The following PDLIM5 variants were observed in gnomAD, a reference collection of about 807,000 sequenced individuals.
The protein encoded by PDLIM5 is PDZ and LIM domain 5, also known as PDZ and LIM domain protein 5.
Under a neutral mutation model 64.2 loss-of-function variants are expected in PDLIM5, and 34 were observed. That is an observed-to-expected ratio of 0.53 (90% CI 0.40 to 0.71). The LOEUF is 0.71. Ranked by LOEUF, PDLIM5 falls within the 30% of genes least tolerant of loss-of-function variation. PDLIM5 has a pLI of 0.00. For synonymous variants in PDLIM5, 253 were observed against 269.1 expected, an observed-to-expected ratio of 0.94 and a Z score of 0.59; for missense variants, 683 against 733.6, an observed-to-expected ratio of 0.93 and a Z score of 0.80.
intron 8 of PDLIM5, among the ~76,000 whole-genome samples, chr4:94,618,486 AC>A (rs1738966401): frequency 6.6e-6 from 1 of 152,262 alleles, no homozygotes; most frequent in Admixed American, 6.5e-5. Context: ...TTATTTAATA[AC>A]AACTATATTG....
chr4:94,569,090 C>T (rs1456271289), intron 3 of PDLIM5, among the ~76,000 whole-genome samples: 2 of 152,112 alleles, frequency 1.3e-5, no homozygotes, highest in African/African-American at 2.4e-5. Context: ...TTAGAGATGA[C>T]CTGTACCTAT....
chr4:94,537,103 GATGAAAA>G (rs1325633662), intron 3 of PDLIM5, among the ~76,000 whole-genome samples: 1 of 152,092 alleles, frequency 6.6e-6, no homozygotes, highest in African/African-American at 2.4e-5. Flanking sequence ...TTGAAATGCG[GATGAAAA>G]ATGGTCTTTC....
At chr4:94,653,743 G>A (rs1229758203) in intron 9 of PDLIM5, among the ~76,000 whole-genome samples, 6 of 152,096 alleles carry the variant, frequency 3.9e-5, no homozygotes, top group Non-Finnish European at 7.4e-5. Flanking sequence ...TTAAAAATCT[G>A]TTAAGAGAGT....
chr4:94,542,791 T>A (rs1040311426), intron 3 of PDLIM5, among the ~76,000 whole-genome samples: 1 of 152,208 alleles, frequency 6.6e-6, no homozygotes, highest in African/African-American at 2.4e-5. Context: ...CCATGGTTCC[T>A]GGTAAATTTA....
intron 3 of PDLIM5, 40 bp from the exon 4 acceptor site, chr4:94,573,311 T>G (rs933054864): frequency 1.9e-6 from 3 of 1,548,894 alleles, no homozygotes; most frequent in Non-Finnish European, 2.7e-6. Context: ...TTATAAAAAT[T>G]CATTATTTTT....
intron 3 of PDLIM5, among the ~76,000 whole-genome samples, chr4:94,544,968 G>A (rs1175956306): frequency 1.3e-5 from 2 of 152,312 alleles, no homozygotes; most frequent in East Asian, 1.9e-4. Flanking sequence ...TTTGGCAACA[G>A]CATAGGCTTG....
At chr4:94,608,293 C>A (rs9307146) in intron 7 of PDLIM5, 544,572 of 583,978 alleles carry the variant, frequency 0.93, 254,775 homozygotes, top group Admixed American at 0.96. Flanking sequence ...CATCATTAAC[C>A]TATAGACAAG....
At chr4:94,648,589 C>A (rs558707855) in intron 9 of PDLIM5, among the ~76,000 whole-genome samples, 12 of 152,306 alleles carry the variant, frequency 7.9e-5, no homozygotes, top group Non-Finnish European at 1.6e-4. Flanking sequence ...CGTGAGCCAC[C>A]GCACCCGGCC....
intron 7 of PDLIM5, among the ~76,000 whole-genome samples, chr4:94,592,645 T>G (rs1024503325): frequency 3.9e-5 from 6 of 152,198 alleles, no homozygotes; most frequent in African/African-American, 1.4e-4. Flanking sequence ...TTTTGTTTTT[T>G]GAGACAGAGT....
At chr4:94,613,066 A>G (rs1738504988) in intron 7 of PDLIM5, among the ~76,000 whole-genome samples, 3 of 152,020 alleles carry the variant, frequency 2.0e-5, no homozygotes, top group Non-Finnish European at 4.4e-5. Context: ...AAAGACACTC[A>G]TTACCCTCTC....
chr4:94,494,432 G>GTTTTTTTTTTTTTTTTTTTTTTTTTTT (rs61675663), intron 2 of PDLIM5, among the ~76,000 whole-genome samples: 3 of 70,770 alleles, frequency 4.2e-5, no homozygotes, highest in African/African-American at 8.8e-5. Context: ...TTTTTTTCTT[G>GTTTTTTTTTTTTTTTTTTTTTTTTTTT]TTTTTTTTTT....
intron 7 of PDLIM5, among the ~76,000 whole-genome samples, chr4:94,614,692 T>C (rs1025833862): frequency 4.6e-5 from 7 of 152,138 alleles, no homozygotes; most frequent in Non-Finnish European, 1.0e-4. Flanking sequence ...CTCCAAGCCC[T>C]TTGTAGCTAA....
chr4:94,595,385 A>G (rs1270046598), intron 7 of PDLIM5, among the ~76,000 whole-genome samples: 2 of 152,208 alleles, frequency 1.3e-5, no homozygotes, highest in African/African-American at 4.8e-5. Flanking sequence ...ACCAATTACA[A>G]TACACAAACT....
intron 3 of PDLIM5, among the ~76,000 whole-genome samples, chr4:94,524,185 A>G (rs921355720): frequency 2.6e-5 from 4 of 151,938 alleles, no homozygotes; most frequent in African/African-American, 4.8e-5. Context: ...GCTGGCCAAT[A>G]TAATGAGTCC....
chr4:94,599,474 A>G (rs906568696), intron 7 of PDLIM5, among the ~76,000 whole-genome samples: 3 of 151,924 alleles, frequency 2.0e-5, no homozygotes, highest in Non-Finnish European at 2.9e-5. Context: ...CTGAGTGAGG[A>G]AAAAAAAGGG....
chr4:94,638,262 A>G (rs1740729982), intron 8 of PDLIM5, among the ~76,000 whole-genome samples: 3 of 152,210 alleles, frequency 2.0e-5, no homozygotes, highest in Admixed American at 2.0e-4. Context: ...GTAACAAGAA[A>G]GTAGTGTACC....
intron 9 of PDLIM5, among the ~76,000 whole-genome samples, chr4:94,646,591 G>A (rs543289327): frequency 6.6e-6 from 1 of 152,310 alleles, no homozygotes; most frequent in South Asian, 2.1e-4. Context: ...GTCGAACAGA[G>A]ATGCATCTAG....
At chr4:94,634,501 A>C (rs1254267020) in intron 8 of PDLIM5, among the ~76,000 whole-genome samples, 7 of 151,436 alleles carry the variant, frequency 4.6e-5, no homozygotes, top group Non-Finnish European at 1.0e-4. Context: ...ATCATCCCCC[A>C]TTCCCAGCTG....
intron 5 of PDLIM5, among the ~76,000 whole-genome samples, chr4:94,576,781 T>C (rs562937103): frequency 6.6e-6 from 1 of 152,352 alleles, no homozygotes; most frequent in Admixed American, 6.5e-5. Flanking sequence ...GGTATCTTTT[T>C]ATTAAAAAAA....
Sources: allele counts gnomAD v4.1 joint callset (sites outside exome capture counted in the v4.1 genomes callset), GRCh38; gene constraint gnomAD v4.1.1; transcripts MANE v1.5; gene names NCBI Gene and HGNC (gene_info 2026-07-23, HGNC 2026-07-21).